CADPS: variants seen among roughly 807,000 people sequenced by gnomAD.
CADPS encodes the protein calcium dependent secretion activator.
In CADPS, 57 loss-of-function variants were observed where a neutral mutation model predicts 167.3. That is an observed-to-expected ratio of 0.34 (90% CI 0.28 to 0.42). The LOEUF (loss-of-function observed/expected upper bound fraction) is 0.42, where lower values mean the gene tolerates loss of function less well. Among genes scored for constraint, CADPS ranks in the 20% least tolerant of loss-of-function variants. The pLI is 1.00. For missense variants in CADPS, 1,414 were observed against 1,738.1 expected (o/e 0.81, Z 3.32); for synonymous variants, 676 against 635.3 (o/e 1.06, Z -0.96).
At chr3:62,599,774 T>TATATA (rs1553968918) in intron 6 of CADPS, among the ~76,000 whole-genome samples, 137 of 2,062 alleles carry the variant, frequency 0.066, 9 homozygotes, top group East Asian at 0.33. Context: ...ATATATAATA[T>TATATA]ATATATTATA....
chr3:62,572,048 G>C (rs2081385020), intron 8 of CADPS, among the ~76,000 whole-genome samples: 1 of 152,144 alleles, frequency 6.6e-6, no homozygotes, highest in Non-Finnish European at 1.5e-5. Flanking sequence ...GGCTTTACCT[G>C]TCTACTGTCA....
chr3:62,753,361 A>T lies in CADPS; in HGVS notation c.888+80T>A, dbSNP rs2083141341. 5.5e-6 allele frequency: 6 copies of T among 1,088,178 alleles called. No individual in the cohort carries two copies. Among genetic ancestry groups the T allele is most frequent in the Non-Finnish European group, 8.0e-6 (6 of 748,324 alleles). 67.4% of individuals were successfully genotyped at this position (1,088,178 alleles called of 1,614,324 possible). ...TATAAGTTTTAATCCTTTTTTTAAA[A>T]AAATCAAGAAGTATCTCATAGAAGT... On this transcript the variant is annotated intron_variant, in intron 3 of 29. Coordinates refer to ENST00000383710, the MANE Select transcript of CADPS (RefSeq NM_003716.4). This position sits in a 1 kb window ranked among gnomAD's most constrained non-coding sequence, Gnocchi z 4.6.
chr3:62,792,660 A>C (rs2093052306), intron 1 of CADPS, among the ~76,000 whole-genome samples: 1 of 152,132 alleles, frequency 6.6e-6, no homozygotes, highest in South Asian at 2.1e-4. Flanking sequence ...CAGTGGCAAA[A>C]TCATAGCTCA....
chr3:62,768,932 T>A (rs1410269315), intron 1 of CADPS, among the ~76,000 whole-genome samples: 1 of 152,170 alleles, frequency 6.6e-6, no homozygotes, highest in Non-Finnish European at 1.5e-5. Flanking sequence ...GGGCATGGAC[T>A]TCAGCGGCAG....
intron 4 of CADPS, among the ~76,000 whole-genome samples, chr3:62,656,132 C>G (rs1447491236): frequency 6.6e-6 from 1 of 152,140 alleles, no homozygotes; most frequent in East Asian, 1.9e-4. Context: ...AAGTAGAGAT[C>G]ATAACATGAA....
intron 3 of CADPS, among the ~76,000 whole-genome samples, chr3:62,733,795 A>G (rs1395521546): frequency 6.6e-6 from 1 of 152,066 alleles, no homozygotes; most frequent in Non-Finnish European, 1.5e-5. Context: ...CTGTCACCCG[A>G]GCAGTATACG....
chr3:62,548,722 A>C (rs1002708147), intron 11 of CADPS, among the ~76,000 whole-genome samples: 2 of 152,248 alleles, frequency 1.3e-5, no homozygotes, highest in Non-Finnish European at 2.9e-5. Context: ...TTAGAGGTTA[A>C]GTCTCTGCAT....
intron 22 of CADPS, among the ~76,000 whole-genome samples, chr3:62,480,060 T>C (rs879467113): frequency 2.4e-5 from 3 of 126,168 alleles, no homozygotes; most frequent in Non-Finnish European, 4.7e-5. Flanking sequence ...CTTGTAGGGT[T>C]TTTTTTTTCT....
intron 28 of CADPS, among the ~76,000 whole-genome samples, chr3:62,436,122 A>T (rs1204320227): frequency 1.3e-5 from 2 of 152,156 alleles, no homozygotes; most frequent in East Asian, 3.9e-4. Context: ...GAAGAGCCAC[A>T]AAAGAGATAA....
At chr3:62,843,491 G>GT in intron 1 of CADPS, among the ~76,000 whole-genome samples, 1 of 146,828 alleles carries the variant, frequency 6.8e-6, no homozygotes, top group Non-Finnish European at 1.5e-5. Flanking sequence ...ATGGCAGTTG[G>GT]GGTGTGTGTG....
intron 1 of CADPS, among the ~76,000 whole-genome samples, chr3:62,806,064 C>T (rs1181762447): frequency 5.3e-5 from 8 of 152,020 alleles, no homozygotes; most frequent in African/African-American, 1.9e-4. Context: ...TCATAATGTA[C>T]CCCTCAATTA....
At chr3:62,693,163 C>T (rs1486696888) in intron 3 of CADPS, among the ~76,000 whole-genome samples, 1 of 152,082 alleles carries the variant, frequency 6.6e-6, no homozygotes, top group Non-Finnish European at 1.5e-5. Context: ...CTTCAGTCCA[C>T]TTTCTTAGAG....
chr3:62,749,514 C>T (rs887496327), intron 3 of CADPS, among the ~76,000 whole-genome samples: 2 of 152,082 alleles, frequency 1.3e-5, no homozygotes, highest in Non-Finnish European at 2.9e-5. Flanking sequence ...GAAGAAGGTC[C>T]AGAAAATACA....
In CADPS at chr3:62,567,420, A is replaced by G. The variant is rs187844173; in HGVS notation, c.1644+3452T>C. Among the ~76,000 whole-genome samples the G allele has an allele frequency of 1.6e-3, 249 of 152,186 alleles. 1 individual carries two copies. The highest frequency in any genetic ancestry group is 5.6e-3 in the African/African-American group (234 of 41,520). ...GAGGAAAGAGGGAAAGACACAAAAA[A>G]GAATCAGAAACAAAACTGGCCCTGA... On this transcript the variant is annotated intron_variant, in intron 9 of 29. Transcript: ENST00000383710.
At chr3:62,483,780 GCC>G (rs1207447536) in intron 21 of CADPS, among the ~76,000 whole-genome samples, 2 of 152,098 alleles carry the variant, frequency 1.3e-5, no homozygotes, top group African/African-American at 4.8e-5. Flanking sequence ...CTTAAACACT[GCC>G]ATGTAACAAA....
intron 1 of CADPS, among the ~76,000 whole-genome samples, chr3:62,824,285 G>A (rs553499225): frequency 3.9e-5 from 6 of 152,218 alleles, no homozygotes; most frequent in African/African-American, 1.4e-4. Flanking sequence ...TTTGTTTGAT[G>A]TAAGAATATT....
At chr3:62,512,800 A>T in intron 16 of CADPS, 32 bp from the exon 17 acceptor site, 1 of 1,593,594 alleles carries the variant, frequency 6.3e-7, no homozygotes, top group Non-Finnish European at 8.6e-7. Context: ...ACAAGGAGAG[A>T]AGAGAGAGAA....
At chr3:62,758,492 G>A (rs1323474527) in intron 2 of CADPS, among the ~76,000 whole-genome samples, 1 of 152,338 alleles carries the variant, frequency 6.6e-6, no homozygotes, top group Middle Eastern at 3.4e-3. Context: ...AAGAGGAAGT[G>A]GGGCCTGGGC....
At chr3:62,730,820 C>T (rs1288637016) in intron 3 of CADPS, among the ~76,000 whole-genome samples, 1 of 152,184 alleles carries the variant, frequency 6.6e-6, no homozygotes, top group Non-Finnish European at 1.5e-5. Context: ...GATCATGAAA[C>T]ATTTTAGTGT....
Sources: gnomAD v4.1 joint callset for allele counts (sites outside exome capture counted in the v4.1 genomes callset) on GRCh38, gnomAD v4.1.1 for gene constraint, Gnocchi (gnomAD v3.1) non-coding constraint, MANE v1.5 for transcripts, NCBI Gene and HGNC (gene_info 2026-07-23, HGNC 2026-07-21) for gene names.